Variants in TRHDE observed in about 807,000 individuals in gnomAD.
TRHDE encodes the protein thyrotropin releasing hormone degrading enzyme.
In TRHDE, 72 loss-of-function variants were observed where a neutral mutation model predicts 125.7. The observed-to-expected ratio is 0.57, with a 90% CI of 0.47 to 0.70. TRHDE has a LOEUF of 0.70. TRHDE is among the 30% of genes least tolerant of loss of function. TRHDE has a pLI of 0.00. For missense variants in TRHDE, 1,110 were observed against 1,327.1 expected (o/e 0.84, Z 2.54); for synonymous variants, 509 against 509.1 (o/e 1.00, Z 0.00).
chr12:72,457,311 AT>A (rs1875904068), intron 3 of TRHDE, among the ~76,000 whole-genome samples: 1 of 151,990 alleles, frequency 6.6e-6, no homozygotes, highest in African/African-American at 2.4e-5. Flanking sequence ...ATGTCATCAT[AT>A]TTTCCATTTC....
chr12:72,100,608 A>G (rs1415071748), intron 1 of TRHDE, among the ~76,000 whole-genome samples: 1 of 152,160 alleles, frequency 6.6e-6, no homozygotes, highest in East Asian at 1.9e-4. Context: ...CCTCTGAGGG[A>G]GAAGATAGAG....
At chr12:72,267,016 C>A (rs1879084325) in intron 2 of TRHDE, among the ~76,000 whole-genome samples, 1 of 152,028 alleles carries the variant, frequency 6.6e-6, no homozygotes, top group South Asian at 2.1e-4. Flanking sequence ...ATTCTTCCTG[C>A]CATATTTATC....
intron 3 of TRHDE, among the ~76,000 whole-genome samples, chr12:72,419,992 G>T (rs1409485308): frequency 6.6e-6 from 1 of 152,092 alleles, no homozygotes; most frequent in Non-Finnish European, 1.5e-5. Flanking sequence ...TAGCAAAACT[G>T]TAGTCAACAA....
At chr12:72,571,958 T>G (rs903146592) in intron 10 of TRHDE, among the ~76,000 whole-genome samples, 1 of 117,118 alleles carries the variant, frequency 8.5e-6, no homozygotes, top group Non-Finnish European at 1.9e-5. Flanking sequence ...CTTCCTACCG[T>G]TCCCCTGACT....
rs1300834198 is a variant in TRHDE, at chr12:72,499,576, C to G, written c.1663C>G (p.Gln555Glu). Reference protein sequence around the residue: ...DGLASSHPVSQEVLQATDIDR... With the variant: ...DGLASSHPVSEEVLQATDIDR... Reference sequence around the variant, plus strand: ...TTTGGCCAGTTCCCATCCAGTATCACAGGAAGTGCTGCAGGCAACAGATAT... The same window carrying G: ...TTTGGCCAGTTCCCATCCAGTATCAGAGGAAGTGCTGCAGGCAACAGATAT... The change falls in exon 6 of 19, where the codon CAG (glutamine) becomes GAG (glutamate). Residue 555 changes from glutamine (Q) to glutamate (E), a missense_variant. By Grantham distance (29) the Gln-to-Glu change is conservative (BLOSUM62 2). This residue lies in a region of TRHDE where 527 missense variants were observed against 651.8 expected (regional missense o/e 0.81). Coordinates refer to ENST00000261180, the MANE Select transcript of TRHDE (RefSeq NM_013381.3). 6.2e-7 allele frequency: 1 copy of G among 1,613,852 alleles called. No individual in the cohort carries two copies. Among genetic ancestry groups the G allele is most frequent in the South Asian group, 1.1e-5 (1 of 91,088 alleles).
chr12:72,126,552 C>T (rs769090788), intron 2 of TRHDE, among the ~76,000 whole-genome samples: 7 of 152,264 alleles, frequency 4.6e-5, no homozygotes, highest in Admixed American at 6.5e-5. Flanking sequence ...TAAAGCTACA[C>T]ACCTACAGCC....
intron 3 of TRHDE, among the ~76,000 whole-genome samples, chr12:72,442,464 T>C (rs1875061490): frequency 6.6e-6 from 1 of 151,828 alleles, no homozygotes; most frequent in Admixed American, 6.6e-5. Flanking sequence ...CAAAGGCAGA[T>C]TGGCCAAATC....
intron 3 of TRHDE, among the ~76,000 whole-genome samples, chr12:72,392,601 C>G (rs1872650231): frequency 6.6e-6 from 1 of 152,152 alleles, no homozygotes; most frequent in South Asian, 2.1e-4. Context: ...TACAATTATG[C>G]CACTCTGCCA....
At chr12:72,093,278 TTGAC>T (rs1254710488) in intron 1 of TRHDE, among the ~76,000 whole-genome samples, 1 of 152,252 alleles carries the variant, frequency 6.6e-6, no homozygotes, top group Non-Finnish European at 1.5e-5. Context: ...TTCTGACAAT[TTGAC>T]TGTAATTTGT....
At chr12:72,549,583 G>T (rs1014445465) in intron 7 of TRHDE, among the ~76,000 whole-genome samples, 1 of 151,554 alleles carries the variant, frequency 6.6e-6, no homozygotes, top group Admixed American at 6.6e-5. Flanking sequence ...AATTTGATGT[G>T]TTCAATGTCA....
At chr12:72,215,169 T>G (rs1180466206) in intron 2 of TRHDE, among the ~76,000 whole-genome samples, 3 of 145,380 alleles carry the variant, frequency 2.1e-5, no homozygotes, top group Non-Finnish European at 4.5e-5. Context: ...AAAATTACAG[T>G]CAAAGGGGGT....
chr12:72,090,946 C>T (rs1050194475), intron 1 of TRHDE, among the ~76,000 whole-genome samples: 9 of 152,038 alleles, frequency 5.9e-5, no homozygotes, highest in African/African-American at 2.2e-4. Context: ...TCATAGCTCA[C>T]TGCAACCTCT....
chr12:72,387,582 G>A (rs1370107856), intron 3 of TRHDE, among the ~76,000 whole-genome samples: 8 of 152,072 alleles, frequency 5.3e-5, no homozygotes, highest in Admixed American at 5.2e-4. Context: ...CATTTCAATG[G>A]CTTCCCATTA....
In TRHDE at chr12:72,499,519, G is replaced by C. The variant is rs372727018; in HGVS notation, c.1606G>C (p.Asp536His). 3 of 1,613,534 alleles carry C rather than the reference G, an allele frequency of 1.9e-6. No homozygotes were observed. The highest frequency in any genetic ancestry group is 1.1e-5 in the South Asian group (1 of 91,062). Reference sequence around the variant, plus strand: ...GCAGGAAAAGCAGAGGTTTCTGACCGATGTTCTGCATGAAGTGATGCTGCT... The same window carrying C: ...GCAGGAAAAGCAGAGGTTTCTGACCCATGTTCTGCATGAAGTGATGCTGCT... ...WNMEKQRFLTDVLHEVMLLDG... is the reference protein window; with the variant it reads ...WNMEKQRFLTHVLHEVMLLDG... The change falls in exon 6 of 19, where the codon GAT becomes CAT. Residue 536 changes from aspartate to histidine, a missense_variant. By Grantham distance (81) the Asp-to-His change is moderately conservative (BLOSUM62 -1). Around this residue, in one of 5 missense-constraint regions of TRHDE, gnomAD observed 527 missense variants for 651.8 expected, o/e 0.81. Transcript: ENST00000261180.
intron 2 of TRHDE, among the ~76,000 whole-genome samples, chr12:72,123,706 C>A (rs533091205): frequency 1.3e-5 from 2 of 151,696 alleles, no homozygotes; most frequent in Non-Finnish European, 2.9e-5. Flanking sequence ...CAAATATATC[C>A]ACTTCTGAAA....
At chr12:72,625,537 A>G (rs1873224020) in intron 15 of TRHDE, among the ~76,000 whole-genome samples, 1 of 151,922 alleles carries the variant, frequency 6.6e-6, no homozygotes, top group Non-Finnish European at 1.5e-5. Flanking sequence ...ATAATACATG[A>G]GCTTCACTAC....
intron 6 of TRHDE, among the ~76,000 whole-genome samples, chr12:72,519,432 G>A (rs140149969): frequency 1.3e-5 from 2 of 151,892 alleles, no homozygotes; most frequent in African/African-American, 2.4e-5. Flanking sequence ...CCAGTTGATC[G>A]CATCGGCTCC....
intron 5 of TRHDE, among the ~76,000 whole-genome samples, chr12:72,488,272 A>G (rs1877505681): frequency 6.6e-6 from 1 of 152,060 alleles, no homozygotes; most frequent in African/African-American, 2.4e-5. Context: ...CAAGAGACTC[A>G]CTTAAGCTTT....
chr12:72,145,882 A>T (rs1398584140), intron 2 of TRHDE, among the ~76,000 whole-genome samples: 2 of 152,220 alleles, frequency 1.3e-5, no homozygotes, highest in African/African-American at 2.4e-5. Flanking sequence ...CATGATTTTT[A>T]TTAAAACTAA....
Sources: gnomAD v4.1 joint callset for allele counts (sites outside exome capture counted in the v4.1 genomes callset) on GRCh38, gnomAD v4.1.1 for gene constraint, gnomAD v4.1.1 regional missense constraint, MANE v1.5 for transcripts, NCBI Gene and HGNC (gene_info 2026-07-23, HGNC 2026-07-21) for gene names.